Variants in HPCAL1 observed in about 807,000 individuals in gnomAD.
HPCAL1 encodes the protein hippocalcin-like protein 1.
HPCAL1 carries 8 observed loss-of-function variants against 17.1 expected under a neutral mutation model. The observed-to-expected ratio is 0.47, with a 90% CI of 0.27 to 0.84. HPCAL1 has a LOEUF of 0.84. HPCAL1 is among the 40% of genes least tolerant of loss of function. The probability of loss-of-function intolerance (pLI) is 0.13; values close to 1 mark genes in which losing one functional copy is unlikely to be tolerated. For synonymous variants in HPCAL1, 112 were observed against 111.4 expected (o/e 1.01, Z -0.03); for missense variants, 165 against 271.1 (o/e 0.61, Z 2.75).
chr2:10,329,843 G>T (rs1295044949), intron 1 of HPCAL1, among the ~76,000 whole-genome samples: 1 of 152,234 alleles, frequency 6.6e-6, no homozygotes, highest in Non-Finnish European at 1.5e-5. Flanking sequence ...AGGTGACGTT[G>T]GTCACATCAG....
intron 1 of HPCAL1, among the ~76,000 whole-genome samples, chr2:10,374,964 C>T (rs1411463377): frequency 6.6e-6 from 1 of 152,154 alleles, no homozygotes; most frequent in African/African-American, 2.4e-5. Context: ...GTTGGGGGGC[C>T]GTGTCATGGA....
intron 1 of HPCAL1, among the ~76,000 whole-genome samples, chr2:10,309,921 A>G (rs1387070268): frequency 6.6e-6 from 1 of 152,140 alleles, no homozygotes; most frequent in Non-Finnish European, 1.5e-5. Flanking sequence ...GTGGACAGAA[A>G]CCATGAAAGA....
intron 1 of HPCAL1, among the ~76,000 whole-genome samples, chr2:10,355,173 C>T (rs576349465): frequency 1.4e-4 from 21 of 152,228 alleles, no homozygotes; most frequent in East Asian, 1.4e-3. Flanking sequence ...TTAACGGGGC[C>T]GGGCGCGGTG....
rs537458228 is a variant in HPCAL1, at chr2:10,333,832, CAT to C, written c.-111+30657_-111+30658del. On this transcript the variant is annotated intron_variant, in intron 1 of 4. Coordinates refer to ENST00000307845, the MANE Select transcript of HPCAL1 (RefSeq NM_002149.4). ...CAGAAGTGTGCATAAAGTCTAGAAACATAGGTGAAGAGACCTAATGCCATCAA... is the reference window on the plus strand; with the variant it reads ...CAGAAGTGTGCATAAAGTCTAGAAACAGGTGAAGAGACCTAATGCCATCAA... Among the ~76,000 whole-genome samples, 313 of 152,250 alleles carry C rather than the reference CAT, an allele frequency of 2.1e-3. 1 individual carries two copies. The highest frequency in any genetic ancestry group is 7.2e-3 in the African/African-American group (299 of 41,544).
chr2:10,386,165 C>T (rs538399412), intron 1 of HPCAL1, among the ~76,000 whole-genome samples: 8 of 152,206 alleles, frequency 5.3e-5, no homozygotes, highest in African/African-American at 1.7e-4. Context: ...TCCCTGATGT[C>T]GGTTTAGACA....
intron 1 of HPCAL1, among the ~76,000 whole-genome samples, chr2:10,345,478 T>TG (rs397759949): frequency 9.2e-5 from 14 of 151,664 alleles, no homozygotes; most frequent in Non-Finnish European, 1.9e-4. Context: ...TTTTTTTTTT[T>TG]GAGACAGGGT....
chr2:10,369,305 T>C (rs1367564510), intron 1 of HPCAL1: 1 of 152,222 alleles, frequency 6.6e-6, no homozygotes, highest in Non-Finnish European at 1.5e-5. Flanking sequence ...ATATCCCTTG[T>C]AAGGGGTTGT....
intron 1 of HPCAL1, among the ~76,000 whole-genome samples, chr2:10,358,379 G>A (rs1436117573): frequency 2.6e-5 from 4 of 152,246 alleles, no homozygotes; most frequent in African/African-American, 9.6e-5. Flanking sequence ...AGTGCTGGGA[G>A]GAGAAGGGCG....
In HPCAL1 at chr2:10,304,287, G is replaced by T. The variant is rs956486578; in HGVS notation, c.-111+1110G>T. Among the ~76,000 whole-genome samples the T allele has an allele frequency of 6.6e-6, 1 of 152,196 alleles. No individual in the cohort carries two copies. The highest frequency in any genetic ancestry group is 1.5e-5 in the Non-Finnish European group (1 of 68,034). ...CTTTGGTTCAACAAGTTCCTAGTCC[G>T]GGAGGATGCAGCTCAGCTCGTGGAG... On this transcript the variant is annotated intron_variant, in intron 1 of 4. Coordinates refer to ENST00000307845, the MANE Select transcript of HPCAL1 (RefSeq NM_002149.4). This position sits in a 1 kb window ranked among gnomAD's most constrained non-coding sequence, Gnocchi z 4.1.
chr2:10,398,458 C>T (rs957625023), intron 2 of HPCAL1, among the ~76,000 whole-genome samples: 2 of 152,218 alleles, frequency 1.3e-5, no homozygotes, highest in African/African-American at 4.8e-5. Context: ...TAAAGCATCA[C>T]TGTCTTAATT....
intron 4 of HPCAL1, chr2:10,425,076 G>T (rs988122935): frequency 5.9e-6 from 1 of 168,820 alleles, no homozygotes; most frequent in Non-Finnish European, 1.3e-5. Flanking sequence ...CCTCAGAGTC[G>T]TCCTGGGGCA....
intron 1 of HPCAL1, among the ~76,000 whole-genome samples, chr2:10,390,852 C>T (rs528165011): frequency 6.6e-6 from 1 of 152,330 alleles, no homozygotes; most frequent in East Asian, 1.9e-4. Flanking sequence ...ACACTGTGAC[C>T]TGCAGTGCCC....
intron 1 of HPCAL1, among the ~76,000 whole-genome samples, chr2:10,307,281 A>G (rs1008974476): frequency 6.6e-5 from 10 of 152,132 alleles, no homozygotes; most frequent in Non-Finnish European, 2.9e-5. Context: ...GTCTTCCCAG[A>G]TTTCGCCTCA....
chr2:10,358,229 A>G (rs1666303400), intron 1 of HPCAL1, among the ~76,000 whole-genome samples: 3 of 152,226 alleles, frequency 2.0e-5, no homozygotes, highest in Non-Finnish European at 4.4e-5. Context: ...TGTGATAGAA[A>G]GGATGAGGAG....
Position 10,365,567 on chromosome 2 carries a change from T to C in HPCAL1, c.-110-31268T>C, listed in dbSNP as rs1184355234. 2.0e-5 allele frequency among the ~76,000 whole-genome samples: 3 copies of C among 151,980 alleles called. No individual in the cohort carries two copies. Among genetic ancestry groups the C allele is most frequent in the African/African-American group, 7.3e-5 (3 of 41,370 alleles). ...TCTCTTCCCACCTGACCTTGGGTGG[T>C]TCCCCTTCAGCCCTGGCGTTATGAT... On this transcript the variant is annotated intron_variant, in intron 1 of 4. Coordinates refer to ENST00000307845, the MANE Select transcript of HPCAL1 (RefSeq NM_002149.4). The surrounding 1 kb of genome is among the most constrained non-coding windows in gnomAD (Gnocchi z 4.8).
intron 2 of HPCAL1, among the ~76,000 whole-genome samples, chr2:10,399,553 C>CCAT (rs1313139247): frequency 4.3e-5 from 5 of 117,626 alleles, no homozygotes; most frequent in Non-Finnish European, 6.9e-5. Context: ...ATCACCGCCA[C>CCAT]CACTACCGCC....
Position 10,331,517 on chromosome 2 carries a change from C to T in HPCAL1, c.-111+28340C>T, listed in dbSNP as rs868506737. On this transcript the variant is annotated intron_variant, in intron 1 of 4. Transcript: ENST00000307845. The surrounding 1 kb of genome is among the most constrained non-coding windows in gnomAD (Gnocchi z 5.0). Reference sequence around the variant, plus strand: ...GAACGGATGCAGCAGCGAGGTTTTCCGGGGCAGGAACACCCTCCCAGGAGC... The same window carrying T: ...GAACGGATGCAGCAGCGAGGTTTTCTGGGGCAGGAACACCCTCCCAGGAGC... Among the ~76,000 whole-genome samples the T allele has an allele frequency of 2.6e-5, 4 of 152,164 alleles. No homozygotes were observed. Among genetic ancestry groups the T allele is most frequent in the South Asian group, 4.1e-4 (2 of 4,830 alleles).
intron 2 of HPCAL1, among the ~76,000 whole-genome samples, chr2:10,407,366 T>C (rs374240533): frequency 1.9e-3 from 286 of 152,294 alleles, no homozygotes; most frequent in South Asian, 0.014. Context: ...CACAGAATGT[T>C]AGAATAAGAG....
chr2:10,320,722 C>T (rs750436681), intron 1 of HPCAL1, among the ~76,000 whole-genome samples: 12 of 152,192 alleles, frequency 7.9e-5, no homozygotes, highest in Non-Finnish European at 1.6e-4. Context: ...CCACCTGGCA[C>T]CTTGGTGGGG....
Sources: allele counts gnomAD v4.1 joint callset (sites outside exome capture counted in the v4.1 genomes callset), GRCh38; gene constraint gnomAD v4.1.1; non-coding constraint Gnocchi (gnomAD v3.1); transcripts MANE v1.5; gene names NCBI Gene and HGNC (gene_info 2026-07-23, HGNC 2026-07-21).